The following WWOX variants were observed in gnomAD, a reference collection of about 807,000 sequenced individuals.
The protein encoded by WWOX is WW domain-containing oxidoreductase.
Under a neutral mutation model 46.2 loss-of-function variants are expected in WWOX, and 69 were observed. That is an observed-to-expected ratio of 1.49 (90% CI 1.23 to 1.82). The LOEUF is 1.82. Ranked by LOEUF, WWOX falls within the 40% of genes most tolerant of loss-of-function variation. The pLI is 0.00. For synonymous variants in WWOX, 359 were observed against 202.6 expected, an observed-to-expected ratio of 1.77 and a Z score of -6.56; for missense variants, 919 against 542.6, an observed-to-expected ratio of 1.69 and a Z score of -6.89.
chr16:78,502,549 T>C (rs941537611), intron 8 of WWOX, among the ~76,000 whole-genome samples: 10 of 152,256 alleles, frequency 6.6e-5, no homozygotes, highest in African/African-American at 1.9e-4. Flanking sequence ...TAATACGCCA[T>C]TGTATGGATA....
At chr16:78,522,183 T>A (rs1222417906) in intron 8 of WWOX, among the ~76,000 whole-genome samples, 1 of 151,778 alleles carries the variant, frequency 6.6e-6, no homozygotes, top group African/African-American at 2.4e-5. Flanking sequence ...GATTTGAGAT[T>A]TATTCATCTT....
intron 8 of WWOX, among the ~76,000 whole-genome samples, chr16:78,592,900 G>A (rs939516160): frequency 6.6e-6 from 1 of 152,122 alleles, no homozygotes; most frequent in Non-Finnish European, 1.5e-5. Flanking sequence ...AAGGTGGAGA[G>A]GGAACTAACT....
At chr16:78,409,377 C>G (rs911521280) in intron 6 of WWOX, among the ~76,000 whole-genome samples, 1 of 152,062 alleles carries the variant, frequency 6.6e-6, no homozygotes, top group Non-Finnish European at 1.5e-5. Flanking sequence ...CATACCTGCT[C>G]CTGACACCTA....
At chr16:78,907,029 A>G (rs1022829477) in intron 8 of WWOX, among the ~76,000 whole-genome samples, 1 of 152,180 alleles carries the variant, frequency 6.6e-6, no homozygotes, top group Non-Finnish European at 1.5e-5. Context: ...GGGAATTGCA[A>G]TAGGGAAAGA....
intron 5 of WWOX, among the ~76,000 whole-genome samples, chr16:78,258,720 A>G (rs1376008925): frequency 6.6e-6 from 1 of 151,388 alleles, no homozygotes; most frequent in East Asian, 1.9e-4. Context: ...AAAAAAAAAA[A>G]AAAAAAAAAA....
At chr16:79,043,913 C>T (rs1051479208) in intron 8 of WWOX, among the ~76,000 whole-genome samples, 10 of 152,190 alleles carry the variant, frequency 6.6e-5, no homozygotes, top group Non-Finnish European at 1.2e-4. Context: ...CCAGGGCTGC[C>T]GCTCATTCAC....
intron 5 of WWOX, among the ~76,000 whole-genome samples, chr16:78,235,676 CT>C (rs752835615): frequency 1.3e-5 from 2 of 152,162 alleles, no homozygotes; most frequent in African/African-American, 4.8e-5. Context: ...AGTGTAGTCA[CT>C]GTTGTGCCTT....
intron 5 of WWOX, among the ~76,000 whole-genome samples, chr16:78,255,599 C>G (rs972969076): frequency 1.3e-5 from 2 of 152,072 alleles, no homozygotes; most frequent in African/African-American, 2.4e-5. Context: ...AGGCGAGGCA[C>G]AAAAGAAGGG....
intron 8 of WWOX, among the ~76,000 whole-genome samples, chr16:78,577,730 T>G (rs935764648): frequency 1.3e-5 from 2 of 152,212 alleles, no homozygotes; most frequent in Non-Finnish European, 2.9e-5. Context: ...GACACTCTAT[T>G]TGACCACATC....
chr16:79,198,572 C>T (rs943031194), intron 8 of WWOX, among the ~76,000 whole-genome samples: 7 of 152,124 alleles, frequency 4.6e-5, no homozygotes, highest in Admixed American at 6.5e-5. Flanking sequence ...AATCATACTA[C>T]GGGATAATTG....
At chr16:78,327,490 G>A (rs978777583) in intron 5 of WWOX, among the ~76,000 whole-genome samples, 3 of 152,186 alleles carry the variant, frequency 2.0e-5, no homozygotes, top group Non-Finnish European at 4.4e-5. Context: ...CTGTGAGAAT[G>A]AAGCTCTATC....
intron 4 of WWOX, among the ~76,000 whole-genome samples, chr16:78,129,131 G>GC (rs147737295): frequency 0.024 from 3,611 of 152,198 alleles, 161 homozygotes; most frequent in African/African-American, 0.083. Context: ...TGTGCACGAG[G>GC]ACCTTTTTCC....
chr16:78,578,257 TATATATATATA>T (rs2044943635), intron 8 of WWOX, among the ~76,000 whole-genome samples: 2 of 29,350 alleles, frequency 6.8e-5, no homozygotes, highest in African/African-American at 2.0e-4. Flanking sequence ...CCAAATTTTA[TATATATATATA>T]TATATATATA....
At chr16:78,657,642 G>A (rs2047111498) in intron 8 of WWOX, among the ~76,000 whole-genome samples, 1 of 152,064 alleles carries the variant, frequency 6.6e-6, no homozygotes, top group African/African-American at 2.4e-5. Flanking sequence ...ACAGATTTTA[G>A]TCCCCTCTTG....
chr16:78,673,308 C>T (rs968034091), intron 8 of WWOX, among the ~76,000 whole-genome samples: 6 of 152,312 alleles, frequency 3.9e-5, no homozygotes, highest in African/African-American at 1.4e-4. Context: ...GGATGCCCTG[C>T]CCCAGTCTCT....
At chr16:78,863,845 A>G (rs7197238) in intron 8 of WWOX, among the ~76,000 whole-genome samples, 39,571 of 152,042 alleles carry the variant, frequency 0.26, 5,287 homozygotes, top group South Asian at 0.33. Flanking sequence ...TATAAATGCT[A>G]TTGTACAATA....
At chr16:78,432,773 G>T (rs199575390) in intron 8 of WWOX, 21 bp downstream of exon 8, 1 of 1,613,978 alleles carries the variant, frequency 6.2e-7, no homozygotes, top group Non-Finnish European at 8.5e-7. Flanking sequence ...AGCTTCTGGC[G>T]CCGCAAACAC....
At chr16:78,901,320 G>A (rs1244131911) in intron 8 of WWOX, among the ~76,000 whole-genome samples, 2 of 152,188 alleles carry the variant, frequency 1.3e-5, no homozygotes, top group Non-Finnish European at 2.9e-5. Context: ...TGTCATGAAA[G>A]CTTTAGAATA....
intron 8 of WWOX, among the ~76,000 whole-genome samples, chr16:78,733,739 A>G (rs2049019493): frequency 6.6e-6 from 1 of 152,020 alleles, no homozygotes; most frequent in Non-Finnish European, 1.5e-5. Flanking sequence ...TGGGCGACAG[A>G]GTGAGAATCC....
Sources: gnomAD v4.1 joint callset for allele counts (sites outside exome capture counted in the v4.1 genomes callset) on GRCh38, gnomAD v4.1.1 for gene constraint, MANE v1.5 for transcripts, NCBI Gene and HGNC (gene_info 2026-07-23, HGNC 2026-07-21) for gene names.